Variants in PRTFDC1 observed in about 807,000 individuals in gnomAD.
The protein encoded by PRTFDC1 is phosphoribosyltransferase domain-containing protein 1.
Under a neutral mutation model 34.6 loss-of-function variants are expected in PRTFDC1, and 38 were observed. That is an observed-to-expected ratio of 1.10 (90% CI 0.85 to 1.44). The LOEUF (loss-of-function observed/expected upper bound fraction) is 1.44. PRTFDC1 is among the 40% of genes most tolerant of loss of function. PRTFDC1 has a pLI of 0.00. For missense variants in PRTFDC1, 270 were observed against 283.0 expected (o/e 0.95, Z 0.33); for synonymous variants, 93 against 98.1 (o/e 0.95, Z 0.31).
In PRTFDC1 at chr10:24,917,386, T is replaced by C. The variant is rs188435451; in HGVS notation, c.339+19798A>G. On this transcript the variant is annotated intron_variant, in intron 3 of 8. Transcript: ENST00000320152. Reference sequence around the variant, plus strand: ...GTGTGTCTGTTGCAGTACACATTTTTTTAACTTCCGAGAAATTTTTCTTCT... The same window carrying C: ...GTGTGTCTGTTGCAGTACACATTTTCTTAACTTCCGAGAAATTTTTCTTCT... Among the ~76,000 whole-genome samples, 710 of 152,328 alleles carry C rather than the reference T, an allele frequency of 4.7e-3. 2 individuals carry two copies. Among genetic ancestry groups the C allele is most frequent in the Non-Finnish European group, 7.5e-3 (510 of 68,026 alleles).
chr10:24,949,560 C>T (rs1849303676), intron 1 of PRTFDC1, among the ~76,000 whole-genome samples: 1 of 152,134 alleles, frequency 6.6e-6, no homozygotes. Flanking sequence ...TTATATCCAA[C>T]TTGAGGTTAA....
chr10:24,903,691 A>G (rs904045767), intron 3 of PRTFDC1, among the ~76,000 whole-genome samples: 1 of 150,476 alleles, frequency 6.6e-6, no homozygotes, highest in Admixed American at 6.6e-5. Context: ...ACTCCTTCTC[A>G]GGATGAAGTT....
chr10:24,928,607 C>T (rs1848918165), intron 3 of PRTFDC1, among the ~76,000 whole-genome samples: 1 of 152,056 alleles, frequency 6.6e-6, no homozygotes, highest in African/African-American at 2.4e-5. Flanking sequence ...CCACGCCCAG[C>T]TAATTTTTGT....
At chr10:24,940,395 AT>A (rs1191075304) in intron 2 of PRTFDC1, among the ~76,000 whole-genome samples, 1 of 152,262 alleles carries the variant, frequency 6.6e-6, no homozygotes, top group Non-Finnish European at 1.5e-5. Flanking sequence ...GAACAATTGA[AT>A]TTAAAAATTG....
intron 3 of PRTFDC1, among the ~76,000 whole-genome samples, chr10:24,882,757 C>T (rs1031580788): frequency 2.0e-5 from 3 of 151,770 alleles, no homozygotes; most frequent in Non-Finnish European, 4.4e-5. Flanking sequence ...CCTCCCACCT[C>T]AGCCTCCCAA....
At chr10:24,951,429 A>G in intron 1 of PRTFDC1, 1 of 500,474 alleles carries the variant, frequency 2.0e-6, no homozygotes, top group South Asian at 8.5e-5. Flanking sequence ...TGTGGAATGA[A>G]TAAATCAACT....
chr10:24,903,842 T>TTTA (rs57243977), intron 3 of PRTFDC1, among the ~76,000 whole-genome samples: 1,878 of 150,402 alleles, frequency 0.012, 47 homozygotes, highest in East Asian at 0.083. Context: ...ACCCAGCTAA[T>TTTA]TTATTATTAT....
chr10:24,875,641 C>T (rs1217488936), intron 3 of PRTFDC1, among the ~76,000 whole-genome samples: 1 of 151,730 alleles, frequency 6.6e-6, no homozygotes, highest in African/African-American at 2.4e-5. Context: ...TCAATTGTTC[C>T]AATATAATTT....
chr10:24,894,246 G>A (rs1033008074), intron 3 of PRTFDC1, among the ~76,000 whole-genome samples: 14 of 150,914 alleles, frequency 9.3e-5, no homozygotes, highest in African/African-American at 2.7e-4. Flanking sequence ...CAGGAGACTC[G>A]CTTGAACCTG....
At chr10:24,935,974 A>C (rs1849044504) in intron 3 of PRTFDC1, among the ~76,000 whole-genome samples, 1 of 152,192 alleles carries the variant, frequency 6.6e-6, no homozygotes, top group Non-Finnish European at 1.5e-5. Flanking sequence ...TAAGGTTCTG[A>C]GCTGAAAACT....
chr10:24,904,724 T>G (rs1848504563), intron 3 of PRTFDC1, among the ~76,000 whole-genome samples: 1 of 152,168 alleles, frequency 6.6e-6, no homozygotes. Context: ...GAGAGACCAC[T>G]CTTATTTGTT....
chr10:24,895,718 T>TAC (rs1848348948), intron 3 of PRTFDC1, among the ~76,000 whole-genome samples: 1 of 139,744 alleles, frequency 7.2e-6, no homozygotes, highest in Non-Finnish European at 1.5e-5. Flanking sequence ...TATATATATA[T>TAC]ATATATATAT....
chr10:24,881,680 A>G (rs1848081574), intron 3 of PRTFDC1, among the ~76,000 whole-genome samples: 1 of 152,172 alleles, frequency 6.6e-6, no homozygotes, highest in African/African-American at 2.4e-5. Context: ...AACCTCAACA[A>G]TCACTCTAGT....
chr10:24,911,866 C>CA (rs201023951), intron 3 of PRTFDC1, among the ~76,000 whole-genome samples: 1,807 of 140,196 alleles, frequency 0.013, 44 homozygotes, highest in African/African-American at 0.043. Context: ...GACTCCATCT[C>CA]AAAAAAAACA....
At chr10:24,924,245 G>A (rs1302575247) in intron 3 of PRTFDC1, among the ~76,000 whole-genome samples, 1 of 152,176 alleles carries the variant, frequency 6.6e-6, no homozygotes, top group Non-Finnish European at 1.5e-5. Flanking sequence ...TATTACCCAG[G>A]AGAACTTCCC....
chr10:24,945,473 G>C (rs1417709883), intron 1 of PRTFDC1, among the ~76,000 whole-genome samples: 5 of 152,156 alleles, frequency 3.3e-5, no homozygotes, highest in African/African-American at 1.2e-4. Context: ...TATTTTTTAA[G>C]AGACAGAATC....
intron 5 of PRTFDC1, among the ~76,000 whole-genome samples, chr10:24,857,502 C>T (rs1020384314): frequency 7.2e-5 from 11 of 152,174 alleles, no homozygotes; most frequent in South Asian, 2.1e-4. Flanking sequence ...TGAGGGTCCA[C>T]GGCTGCAGTG....
intron 1 of PRTFDC1, 120 bp from the exon 2 acceptor site, chr10:24,942,556 G>T: frequency 1.3e-6 from 1 of 793,518 alleles, no homozygotes; most frequent in Non-Finnish European, 2.1e-6. Flanking sequence ...AGTGGAACAA[G>T]GTTATTTGTT....
At chr10:24,880,817 TTCTTTC>T (rs977890184) in intron 3 of PRTFDC1, among the ~76,000 whole-genome samples, 2 of 55,516 alleles carry the variant, frequency 3.6e-5, no homozygotes, top group African/African-American at 1.7e-4. Flanking sequence ...GTCTTTCTCT[TTCTTTC>T]TTTCTTTCTT....
Sources: gnomAD v4.1 joint callset for allele counts (sites outside exome capture counted in the v4.1 genomes callset) on GRCh38, gnomAD v4.1.1 for gene constraint, MANE v1.5 for transcripts, NCBI Gene and HGNC (gene_info 2026-07-23, HGNC 2026-07-21) for gene names.